Variants in CLN8 observed in about 807,000 individuals in gnomAD.
CLN8 encodes protein CLN8.
CLN8 carries 14 observed loss-of-function variants against 15.7 expected under a neutral mutation model. The observed-to-expected ratio is 0.89, with a 90% CI of 0.59 to 1.39. CLN8 has a LOEUF of 1.39. Ranked by LOEUF, CLN8 falls within the 40% of genes most tolerant of loss-of-function variation. The probability of loss-of-function intolerance (pLI) is 0.00; values close to 1 mark genes in which losing one functional copy is unlikely to be tolerated. For synonymous variants in CLN8, 188 were observed against 151.0 expected (o/e 1.25, Z -1.80); for missense variants, 415 against 364.0 (o/e 1.14, Z -1.14).
chr8:1,780,587 G>A lies in CLN8; in HGVS notation c.*20G>A, dbSNP rs371428999. The stretch of plus-strand genomic sequence containing the variant: ...CCATAGCTGCTCCAGCCGGGGCTCC[G>A]GGGCGGCAGCAGAGCTGGCACACCG... On this transcript the variant is annotated 3_prime_UTR_variant, in exon 3 of 3. Coordinates refer to ENST00000331222, the MANE Select transcript of CLN8 (RefSeq NM_018941.4). The A allele has an allele frequency of 1.9e-4, 308 of 1,610,220 alleles. No homozygotes were observed. Among genetic ancestry groups the A allele is most frequent in the Non-Finnish European group, 2.5e-4 (296 of 1,177,378 alleles).
chr8:1,771,257 C>A lies in CLN8; in HGVS notation c.203C>A (p.Ala68Asp). Residue 68 changes from alanine (A) to aspartate (D), a missense_variant, in exon 2 of 3, where the codon GCC becomes GAC. Transcript: ENST00000331222. The part of the protein sequence containing the change: ...AREKVFWDLA[A>D]TRAVFGVQST... ...GAGAAGGTCTTCTGGGACCTGGCGGCCACGCGTGCAGTCTTTGGTGTTCAG... is the reference window on the plus strand; with the variant it reads ...GAGAAGGTCTTCTGGGACCTGGCGGACACGCGTGCAGTCTTTGGTGTTCAG... The A allele has an allele frequency of 6.2e-7, 1 of 1,613,536 alleles. No individual in the cohort carries two copies. The highest frequency in any genetic ancestry group is 1.3e-5 in the African/African-American group (1 of 74,986).
chr8:1,757,535 G>A (rs748657206), intron 1 of CLN8, among the ~76,000 whole-genome samples: 11 of 152,172 alleles, frequency 7.2e-5, no homozygotes, highest in Admixed American at 5.9e-4. Flanking sequence ...CTGCCTCCCA[G>A]GTTCATGTAA....
upstream of CLN8, chr8:1,763,093 G>C (rs185063229): frequency 3.3e-4 from 51 of 152,258 alleles, no homozygotes; most frequent in African/African-American, 1.2e-3. Flanking sequence ...GGATGCGCTC[G>C]GTCAAGACTT....
At chr8:1,777,184 G>T (rs1250378730) in intron 2 of CLN8, among the ~76,000 whole-genome samples, 1 of 152,166 alleles carries the variant, frequency 6.6e-6, no homozygotes, top group African/African-American at 2.4e-5. Context: ...AATACTGTAG[G>T]CAAGTGTAAC....
chr8:1,755,803 T>G (rs1800656678), exon 1 of CLN8: 1 of 152,222 alleles, frequency 6.6e-6, no homozygotes, highest in African/African-American at 2.4e-5. Flanking sequence ...TGCAGAGTCA[T>G]CTTCAGAATG....
At chr8:1,761,380 A>G (rs1330798032), upstream of CLN8, among the ~76,000 whole-genome samples, 5 of 152,288 alleles carry the variant, frequency 3.3e-5, no homozygotes, top group Non-Finnish European at 5.9e-5. Context: ...GCTGGAGTGC[A>G]GTGGTGCGAT....
chr8:1,770,732 G>C (rs1801264498), intron 1 of CLN8, among the ~76,000 whole-genome samples, 200 bp from the exon 2 acceptor site: 1 of 152,176 alleles, frequency 6.6e-6, no homozygotes, highest in South Asian at 2.1e-4. Flanking sequence ...TTCGTGGCTG[G>C]ACCGCTCTAG....
At chr8:1,764,097 C>T (rs941841747) in intron 1 of CLN8, among the ~76,000 whole-genome samples, 2 of 149,736 alleles carry the variant, frequency 1.3e-5, no homozygotes, top group African/African-American at 4.9e-5. Context: ...AGGGGGAACC[C>T]AGATGGGCGC....
chr8:1,756,924 C>G (rs190483427), intron 1 of CLN8, among the ~76,000 whole-genome samples: 1 of 152,008 alleles, frequency 6.6e-6, no homozygotes, highest in Non-Finnish European at 1.5e-5. Context: ...CTCAAGTGAC[C>G]CACCCACCTC....
In CLN8 at chr8:1,781,305, C is replaced by G. The variant is rs1253705614; in HGVS notation, c.*738C>G. On this transcript the variant is annotated 3_prime_UTR_variant, in exon 3 of 3. Coordinates refer to ENST00000331222, the MANE Select transcript of CLN8 (RefSeq NM_018941.4). ...CCCGGGAGGCGGAGGTTGCAGTGAG[C>G]TGAGATCGCACCACTGCACTCCAGC... 2 of 150,450 alleles carry G rather than the reference C, an allele frequency of 1.3e-5. No individual in the cohort carries two copies. Among genetic ancestry groups the G allele is most frequent in the East Asian group, 3.9e-4 (2 of 5,088 alleles). The allele number at this position is 150,450 out of a possible 1,614,324, so 9.3% of individuals were successfully genotyped here.
At chr8:1,759,095 G>A (rs544453803), upstream of CLN8, 20 of 152,208 alleles carry the variant, frequency 1.3e-4, no homozygotes, top group Non-Finnish European at 2.5e-4. Context: ...TATTGCTACA[G>A]AGTCTGTTTT....
chr8:1,780,380 G>T lies in CLN8; in HGVS notation c.674G>T (p.Ser225Ile). Residue 225 changes from serine (S) to isoleucine (I), a missense_variant, in exon 3 of 3, where the codon AGC becomes ATC. Coordinates refer to ENST00000331222, the MANE Select transcript of CLN8 (RefSeq NM_018941.4). Reference sequence around the variant, plus strand: ...TGGCACTGGGACGGCCTGGTCAGCAGCCTGTATCTGCCTCATTTGACACTG... The same window carrying T: ...TGGCACTGGGACGGCCTGGTCAGCATCCTGTATCTGCCTCATTTGACACTG... ...CFWHWDGLVSSLYLPHLTLFL... is the reference protein window; with the variant it reads ...CFWHWDGLVSILYLPHLTLFL... 1.2e-6 allele frequency: 2 copies of T among 1,614,268 alleles called. No individual in the cohort carries two copies. Among genetic ancestry groups the T allele is most frequent in the Non-Finnish European group, 1.7e-6 (2 of 1,180,048 alleles).
rs1801692295 is a variant in CLN8 at position 1,780,747 on chromosome 8, A to C, written c.*180A>C. On this transcript the variant is annotated 3_prime_UTR_variant, in exon 3 of 3. Transcript: ENST00000331222. ...AAGTAGCTACAAAGTATTTTTAAGA[A>C]ATTATAATTTTATGACTGTCTGGCA... The C allele has an allele frequency of 3.0e-6, 2 of 659,594 alleles. No individual in the cohort carries two copies. The highest frequency in any genetic ancestry group is 5.1e-6 in the Non-Finnish European group (2 of 392,856). 40.9% of individuals were successfully genotyped at this position (659,594 alleles called of 1,614,324 possible).
intron 1 of CLN8, among the ~76,000 whole-genome samples, chr8:1,756,465 CAG>C (rs1420504842): frequency 7.2e-6 from 1 of 139,678 alleles, no homozygotes; most frequent in African/African-American, 2.7e-5. Context: ...GCTTGGGTGA[CAG>C]AGTGAGAATC....
upstream of CLN8, among the ~76,000 whole-genome samples, chr8:1,754,437 T>A (rs1014742496): frequency 2.6e-5 from 4 of 152,222 alleles, no homozygotes; most frequent in Non-Finnish European, 4.4e-5. Context: ...TCTTTATTTG[T>A]CTTTGACTAT....
chr8:1,756,483 CA>C (rs60297248), intron 1 of CLN8, among the ~76,000 whole-genome samples: 49 of 143,344 alleles, frequency 3.4e-4, no homozygotes, highest in Admixed American at 4.3e-4. Context: ...GAATCCATCT[CA>C]AAAAAAAAAA....
intron 1 of CLN8, among the ~76,000 whole-genome samples, chr8:1,768,768 G>T (rs536503574): frequency 1.8e-4 from 27 of 152,252 alleles, no homozygotes; most frequent in African/African-American, 6.3e-4. Context: ...AGTGCATAGG[G>T]GTTCAACGAT....
Position 1,771,502 on chromosome 8 carries a change from T to G in CLN8, c.448T>G (p.Leu150Val). 6.2e-7 allele frequency: 1 copy of G among 1,614,218 alleles called. No homozygotes were observed. Among genetic ancestry groups the G allele is most frequent in the Non-Finnish European group, 8.5e-7 (1 of 1,180,034 alleles). ...TGCCTTTCTTGGGTTTCTTGGCTGC[T>G]TGGTCAATCTCCAAGCTGGCCACTA... The part of the protein sequence containing the change: ...LFAFLGFLGC[L>V]VNLQAGHYLA... Residue 150 changes from leucine to valine, a missense_variant, in exon 2 of 3, where the codon TTG becomes GTG. Physicochemically the swap from Leu to Val is conservative, Grantham distance 32 (BLOSUM62 1). Coordinates refer to ENST00000331222, the MANE Select transcript of CLN8 (RefSeq NM_018941.4).
chr8:1,774,796 C>A (rs868520092), intron 2 of CLN8, among the ~76,000 whole-genome samples: 3 of 152,138 alleles, frequency 2.0e-5, no homozygotes, highest in South Asian at 4.1e-4. Flanking sequence ...AGCTCAAGAC[C>A]AGCAACATGG....
Sources: allele counts gnomAD v4.1 joint callset (sites outside exome capture counted in the v4.1 genomes callset), GRCh38; gene constraint gnomAD v4.1.1; transcripts MANE v1.5; gene names NCBI Gene and HGNC (gene_info 2026-07-23, HGNC 2026-07-21).